Variants in SAXO2 observed in about 807,000 individuals in gnomAD.
The protein encoded by SAXO2 is stabilizer of axonemal microtubules 2.
In SAXO2, 17 loss-of-function variants were observed where a neutral mutation model predicts 18.7. The ratio of observed to expected loss-of-function variants is 0.91; its 90% CI spans 0.62 to 1.36. The LOEUF (loss-of-function observed/expected upper bound fraction) is 1.36. SAXO2 is among the 40% of genes most tolerant of loss of function. The pLI is 0.00. For synonymous variants in SAXO2, 163 were observed against 181.2 expected, an observed-to-expected ratio of 0.90 and a Z score of 0.81; for missense variants, 486 against 562.6, an observed-to-expected ratio of 0.86 and a Z score of 1.38.
intron 1 of SAXO2, 82 bp from the exon 2 acceptor site, chr15:82,265,486 AG>A: frequency 9.7e-7 from 1 of 1,034,628 alleles, no homozygotes; most frequent in Non-Finnish European, 1.3e-6. Flanking sequence ...AGAAATTGTG[AG>A]TTTATTAGAG....
Position 82,271,792 on chromosome 15 carries a change from A to G in SAXO2, c.423A>G (p.Pro141=). ...QVKKGKLDTV[P]TYKDDYRAWD... ...AAAAAGGAAAATTGGACACTGTCCC[A>G]ACCTATAAAGGTAACTTGCTGTTTC... The change falls in exon 3 of 4, where the codon CCA becomes CCG. Residue 141 remains proline, a synonymous_variant. Transcript: ENST00000682753. The G allele has an allele frequency of 6.2e-7, 1 of 1,613,318 alleles. No homozygotes were observed. Among genetic ancestry groups the G allele is most frequent in the Non-Finnish European group, 8.5e-7 (1 of 1,179,784 alleles).
chr15:82,274,574 G>T (rs1046309457), intron 3 of SAXO2, among the ~76,000 whole-genome samples: 1 of 151,632 alleles, frequency 6.6e-6, no homozygotes, highest in Non-Finnish European at 1.5e-5. Context: ...ATGATGATGG[G>T]TGCCTGTAAT....
chr15:82,265,864 A>G (rs1462141297), intron 2 of SAXO2, 116 bp downstream of exon 2: 12 of 645,684 alleles, frequency 1.9e-5, no homozygotes, highest in Non-Finnish European at 2.7e-5. Context: ...GAACCAATCT[A>G]ATAGTCAAGA....
At chr15:82,278,828 CAAAA>C (rs1278102152) in intron 3 of SAXO2, among the ~76,000 whole-genome samples, 1 of 151,760 alleles carries the variant, frequency 6.6e-6, no homozygotes, top group Non-Finnish European at 1.5e-5. Context: ...GCAAAAGTAA[CAAAA>C]GAAATTAGAA....
rs1395553559 is a variant in SAXO2 at position 82,265,610 on chromosome 15, A to G, written c.95A>G (p.Asn32Ser). Residue 32 changes from asparagine to serine, a missense_variant, in exon 2 of 4, where the codon AAT becomes AGT. Physicochemically the swap from Asn to Ser is conservative, Grantham distance 46 (BLOSUM62 1). Transcript: ENST00000682753. Reference sequence around the variant, plus strand: ...CGTGGAACCACAAGGATTTATGAAAATTCTGGGGTGTTTTGCCCTACAACT... The same window carrying G: ...CGTGGAACCACAAGGATTTATGAAAGTTCTGGGGTGTTTTGCCCTACAACT... ...CPRGTTRIYE[N>S]SGVFCPTTEY... The G allele has an allele frequency of 1.4e-6, 2 of 1,435,414 alleles. No homozygotes were observed. The highest frequency in any genetic ancestry group is 1.8e-6 in the Non-Finnish European group (2 of 1,097,116). 88.9% of individuals were successfully genotyped at this position (1,435,414 alleles called of 1,614,324 possible).
intron 2 of SAXO2, among the ~76,000 whole-genome samples, chr15:82,268,850 C>T (rs1323969644): frequency 6.6e-6 from 1 of 152,180 alleles, no homozygotes; most frequent in Non-Finnish European, 1.5e-5. Context: ...CCATAGAAAG[C>T]TGCTTTGGGT....
At chr15:82,265,040 T>C (rs560608632) in intron 1 of SAXO2, among the ~76,000 whole-genome samples, 1 of 152,378 alleles carries the variant, frequency 6.6e-6, no homozygotes, top group East Asian at 1.9e-4. Context: ...TAAATTGTTA[T>C]GAGACACTTA....
In SAXO2 at chr15:82,262,921, T is replaced by TTGTAGCTGCGGGTAAGAAACGGCTGG. The variant is rs1203675071; in HGVS notation, c.49_53+21dup. On this transcript the variant is annotated stop_gained and frameshift_variant, in exon 1 of 4. Transcript: ENST00000682753. LOFTEE classifies it high-confidence loss of function. Reference sequence around the variant, plus strand: ...TGAGGAGCTGGTGTCTGTGTCAGATTTGTAGCTGCGGGTAAGAAACGGCTG... The same window carrying TTGTAGCTGCGGGTAAGAAACGGCTGG: ...TGAGGAGCTGGTGTCTGTGTCAGATTTGTAGCTGCGGGTAAGAAACGGCTGGTGTAGCTGCGGGTAAGAAACGGCTG... The TTGTAGCTGCGGGTAAGAAACGGCTGG allele has an allele frequency of 6.2e-7, 1 of 1,604,852 alleles. No individual in the cohort carries two copies. The highest frequency in any genetic ancestry group is 2.3e-5 in the East Asian group (1 of 44,354).
chr15:82,271,539 C>A (rs1212408784), intron 2 of SAXO2, 64 bp from the exon 3 acceptor site: 31 of 1,345,754 alleles, frequency 2.3e-5, no homozygotes, highest in Non-Finnish European at 3.1e-5. Context: ...ATTTTCCATA[C>A]TTCATTGAAA....
At chr15:82,269,938 TGA>T (rs1408846218) in intron 2 of SAXO2, among the ~76,000 whole-genome samples, 1 of 152,154 alleles carries the variant, frequency 6.6e-6, no homozygotes, top group Non-Finnish European at 1.5e-5. Flanking sequence ...ACTATGCGTC[TGA>T]AAGGATGGTG....
At chr15:82,278,124 G>A (rs2075331218) in intron 3 of SAXO2, among the ~76,000 whole-genome samples, 1 of 152,192 alleles carries the variant, frequency 6.6e-6, no homozygotes, top group Admixed American at 6.5e-5. Context: ...AGGAATAGGT[G>A]AAGATGTATT....
intron 2 of SAXO2, among the ~76,000 whole-genome samples, chr15:82,268,608 TG>T (rs1448513695): frequency 6.6e-6 from 1 of 152,242 alleles, no homozygotes; most frequent in African/African-American, 2.4e-5. Flanking sequence ...TGGATTTATC[TG>T]TACAAACAAA....
At chr15:82,272,761 A>T (rs985767470) in intron 3 of SAXO2, among the ~76,000 whole-genome samples, 3 of 148,270 alleles carry the variant, frequency 2.0e-5, no homozygotes, top group Non-Finnish European at 4.5e-5. Context: ...CAGGCTGGTC[A>T]CGAACTCCTG....
At chr15:82,279,004 A>G (rs2075339538) in intron 3 of SAXO2, among the ~76,000 whole-genome samples, 2 of 152,188 alleles carry the variant, frequency 1.3e-5, no homozygotes, top group Admixed American at 6.5e-5. Flanking sequence ...CTAGAAAAAT[A>G]AGAGCAAATT....
chr15:82,267,268 C>T (rs1392834033), intron 2 of SAXO2, among the ~76,000 whole-genome samples: 4 of 152,118 alleles, frequency 2.6e-5, no homozygotes, highest in East Asian at 1.9e-4. Flanking sequence ...TTGGTTCTTC[C>T]GGAAAGGCGG....
Position 82,262,937 on chromosome 15 carries a change from G to C in SAXO2, c.53+5G>C. 2 of 1,602,064 alleles carry C rather than the reference G, an allele frequency of 1.2e-6. No homozygotes were observed. The highest frequency in any genetic ancestry group is 1.7e-6 in the Non-Finnish European group (2 of 1,174,392). ...GTGTCAGATTTGTAGCTGCGGGTAA[G>C]AAACGGCTGGTGTAGCGGCGGGCCC... is the stretch of plus-strand genomic sequence containing the variant. On this transcript the variant is annotated splice_donor_5th_base_variant and intron_variant, in intron 1 of 3. Transcript: ENST00000682753.
rs1204535684 is a variant in SAXO2 at position 82,282,952 on chromosome 15, G to A, written c.1267G>A (p.Glu423Lys). The part of the protein sequence containing the change: ...YSVEYTPKRQ[E>K]ICPASYPSPP... ...TGTAGAGTACACACCGAAAAGACAG[G>A]AAATTTGCCCAGCCAGCTATCCCTC... The change falls in exon 4 of 4, where the codon GAA (glutamate) becomes AAA (lysine). Residue 423 changes from glutamate (E) to lysine (K), a missense_variant. Glu to Lys is a moderately conservative substitution (Grantham distance 56, BLOSUM62 1). Coordinates refer to ENST00000682753, the MANE Select transcript of SAXO2 (RefSeq NM_001348699.2). The A allele has an allele frequency of 6.2e-7, 1 of 1,614,096 alleles. No homozygotes were observed. Among genetic ancestry groups the A allele is most frequent in the East Asian group, 2.2e-5 (1 of 44,872 alleles).
At chr15:82,274,170 T>C (rs1471235753) in intron 3 of SAXO2, among the ~76,000 whole-genome samples, 1 of 152,092 alleles carries the variant, frequency 6.6e-6, no homozygotes, top group African/African-American at 2.4e-5. Context: ...CTACTAGCTT[T>C]CCATGACCTG....
rs145652386 is a variant in SAXO2 at position 82,282,121 on chromosome 15, G to T, written c.436G>T (p.Asp146Tyr). The T allele has an allele frequency of 1.8e-3, 2,899 of 1,585,208 alleles. 42 individuals carry two copies. In the African/African-American group the frequency reaches 0.035, roughly 19 times the overall value. ...KLDTVPTYKD[D>Y]YRAWDLHKSE... ...TTTGCTTTGTTTTAATTTTCAAGAC[G>T]ATTATAGAGCTTGGGACCTTCATAA... The change falls in exon 4 of 4, where the codon GAT becomes TAT. Residue 146 changes from aspartate to tyrosine, a missense_variant and splice_region_variant. Asp to Tyr is a radical substitution (Grantham distance 160). Coordinates refer to ENST00000682753, the MANE Select transcript of SAXO2 (RefSeq NM_001348699.2).
Sources: gnomAD v4.1 joint callset for allele counts (sites outside exome capture counted in the v4.1 genomes callset) on GRCh38, gnomAD v4.1.1 for gene constraint, MANE v1.5 for transcripts, NCBI Gene and HGNC (gene_info 2026-07-23, HGNC 2026-07-21) for gene names.